PLG: variants seen among roughly 807,000 people sequenced by gnomAD.
The protein encoded by PLG is plasmin.
A neutral mutation model predicts 104.4 loss-of-function variants in PLG; 41 were observed. The observed-to-expected ratio is 0.39, with a 90% CI of 0.31 to 0.51. The LOEUF (loss-of-function observed/expected upper bound fraction) is 0.51, where lower values mean the gene tolerates loss of function less well. PLG is among the 20% of genes least tolerant of loss of function. The pLI, the probability that PLG is intolerant of heterozygous loss-of-function variation, is 0.76. For synonymous variants in PLG, 337 were observed against 357.1 expected (o/e 0.94, Z 0.63); for missense variants, 891 against 1,003.6 (o/e 0.89, Z 1.52).
chr6:160,742,378 T>A (rs1582949968), intron 17 of PLG, among the ~76,000 whole-genome samples: 1 of 152,204 alleles, frequency 6.6e-6, no homozygotes, highest in Non-Finnish European at 1.5e-5. Flanking sequence ...TTCATTGTGG[T>A]TTTGATTTGC....
Position 160,734,225 on chromosome 6 carries a change from G to C in PLG, c.1681+137G>C. 1.6e-6 allele frequency: 1 copy of C among 626,278 alleles called. No individual in the cohort carries two copies. 38.8% of individuals were successfully genotyped at this position (626,278 alleles called of 1,614,324 possible). On this transcript the variant is annotated intron_variant, in intron 13 of 18. Coordinates refer to ENST00000308192, the MANE Select transcript of PLG (RefSeq NM_000301.5). This position sits in a 1 kb window ranked among gnomAD's most constrained non-coding sequence, Gnocchi z 4.4. ...CCATCAGACCCCACTCTTCATCATG[G>C]GCATCTTGAATCTGCCCTACTATTG... is the stretch of plus-strand genomic sequence containing the variant.
rs1777793520 is a variant in PLG at position 160,719,242 on chromosome 6, T to G, written c.1096+404T>G. ...TTTCTCTTTTAGATCGTAACTCTTT[T>G]GTATATTTTGAAGCTCTTTTGTTAG... On this transcript the variant is annotated intron_variant, in intron 9 of 18. Transcript: ENST00000308192. This position sits in a 1 kb window ranked among gnomAD's most constrained non-coding sequence, Gnocchi z 4.1. 6.6e-6 allele frequency among the ~76,000 whole-genome samples: 1 copy of G among 152,210 alleles called. No homozygotes were observed. Among genetic ancestry groups the G allele is most frequent in the African/African-American group, 2.4e-5 (1 of 41,452 alleles).
At chr6:160,715,604 G>A (rs1429744591) in intron 6 of PLG, among the ~76,000 whole-genome samples, 2 of 152,120 alleles carry the variant, frequency 1.3e-5, no homozygotes, top group Non-Finnish European at 2.9e-5. Flanking sequence ...TTCCACAGTC[G>A]CTTCTGGTCT....
At position 160,726,589 on chromosome 6, in the gene PLG, A is replaced by T. The variant is rs942808425; in HGVS notation, c.1256+4022A>T. ...ATGAGGTTAAAACACCTTTAAATTT[A>T]AAAAAAAAAGATTTTATTTGCTATT... is the stretch of plus-strand genomic sequence containing the variant. On this transcript the variant is annotated intron_variant, in intron 10 of 18. Transcript: ENST00000308192. The surrounding 1 kb of genome is among the most constrained non-coding windows in gnomAD (Gnocchi z 4.4). Among the ~76,000 whole-genome samples the T allele has an allele frequency of 1.9e-3, 122 of 64,074 alleles. No homozygotes were observed. The highest frequency in any genetic ancestry group is 5.8e-3 in the African/African-American group (111 of 19,210). 42.0% of individuals were successfully genotyped at this position (64,074 alleles called of 152,430 possible).
chr6:160,710,331 T>TGTAAGAAA (rs1359651711), intron 3 of PLG, among the ~76,000 whole-genome samples: 2 of 152,048 alleles, frequency 1.3e-5, no homozygotes, highest in Non-Finnish European at 2.9e-5. Flanking sequence ...TAAATATAAA[T>TGTAAGAAA]GTAAGAAAGT....
At chr6:160,715,484 C>T (rs754928840) in intron 6 of PLG, among the ~76,000 whole-genome samples, 2 of 152,232 alleles carry the variant, frequency 1.3e-5, no homozygotes, top group East Asian at 1.9e-4. Flanking sequence ...AAGGGGACCA[C>T]GAATTTAAAA....
At chr6:160,718,134 C>T (rs570274080) in intron 7 of PLG, among the ~76,000 whole-genome samples, 160 bp from the exon 8 acceptor site, 1 of 152,326 alleles carries the variant, frequency 6.6e-6, no homozygotes, top group Non-Finnish European at 1.5e-5. Flanking sequence ...CACCTGTAGT[C>T]TGAGCTACTC....
In PLG at chr6:160,736,911, A is replaced by C. The variant is rs1256331629; in HGVS notation, c.1706A>C (p.Lys569Thr). Residue 569 changes from lysine (K) to threonine (T), a missense_variant, in exon 14 of 19, where the codon AAG becomes ACG. By Grantham distance (78) the Lys-to-Thr change is moderately conservative. This residue lies in a region of PLG where 854 missense variants were observed against 932.1 expected (regional missense o/e 0.92). Coordinates refer to ENST00000308192, the MANE Select transcript of PLG (RefSeq NM_000301.5). This position sits in a 1 kb window ranked among gnomAD's most constrained non-coding sequence, Gnocchi z 5.2. ...GCGGCCCCTTCATTTGATTGTGGGAAGCCTCAAGTGGAGCCGAAGAAATGT... is the reference window on the plus strand; with the variant it reads ...GCGGCCCCTTCATTTGATTGTGGGACGCCTCAAGTGGAGCCGAAGAAATGT... ...QCAAPSFDCG[K>T]PQVEPKKCPG... The C allele has an allele frequency of 3.7e-6, 6 of 1,613,914 alleles. No individual in the cohort carries two copies. Among genetic ancestry groups the C allele is most frequent in the African/African-American group, 1.3e-5 (1 of 74,908 alleles).
At chr6:160,702,615 G>A (rs1043528419) in intron 1 of PLG, among the ~76,000 whole-genome samples, 16 of 152,190 alleles carry the variant, frequency 1.1e-4, no homozygotes, top group Admixed American at 6.5e-5. Context: ...ATAATGGCCA[G>A]TCTAATTGAA....
At chr6:160,709,377 A>G (rs887805146) in intron 3 of PLG, among the ~76,000 whole-genome samples, 1 of 152,192 alleles carries the variant, frequency 6.6e-6, no homozygotes, top group Non-Finnish European at 1.5e-5. Flanking sequence ...GGCTACTTGT[A>G]GCTGTACACA....
At chr6:160,750,357 A>T (rs556311352) in intron 17 of PLG, among the ~76,000 whole-genome samples, 1 of 152,270 alleles carries the variant, frequency 6.6e-6, no homozygotes, top group African/African-American at 2.4e-5. Context: ...CCATCTCTAC[A>T]TCTACCACTG....
At chr6:160,750,308 A>C (rs577581709) in intron 17 of PLG, among the ~76,000 whole-genome samples, 1 of 152,250 alleles carries the variant, frequency 6.6e-6, no homozygotes, top group Non-Finnish European at 1.5e-5. Context: ...GAGGGCTTCA[A>C]TCCTCAGGTC....
Position 160,731,930 on chromosome 6 carries a change from T to C in PLG, c.1587+37T>C, listed in dbSNP as rs1001084148. Reference sequence around the variant, plus strand: ...TGATTTGGACTCTTTGGCCTTTTGCTCACCAATCTTTGCAAACAGAATTGG... The same window carrying C: ...TGATTTGGACTCTTTGGCCTTTTGCCCACCAATCTTTGCAAACAGAATTGG... On this transcript the variant is annotated intron_variant, in intron 12 of 18. Coordinates refer to ENST00000308192, the MANE Select transcript of PLG (RefSeq NM_000301.5). The surrounding 1 kb of genome is among the most constrained non-coding windows in gnomAD (Gnocchi z 5.1). The C allele has an allele frequency of 6.2e-7, 1 of 1,608,066 alleles. No homozygotes were observed. The highest frequency in any genetic ancestry group is 1.3e-5 in the African/African-American group (1 of 74,834).
At position 160,749,120 on chromosome 6, in the gene PLG, A is replaced by G. The variant is rs376210003; in HGVS notation, c.2126-2995A>G. 1.5e-4 allele frequency among the ~76,000 whole-genome samples: 23 copies of G among 152,348 alleles called. 1 individual carries two copies. The highest frequency in any genetic ancestry group is 5.5e-4 in the African/African-American group (23 of 41,584). On this transcript the variant is annotated intron_variant, in intron 17 of 18. Coordinates refer to ENST00000308192, the MANE Select transcript of PLG (RefSeq NM_000301.5). ...GATGAAAGCACGAAGCTAAAATCAT[A>G]AAGATCTGTGTGTGAGTTCTGGCTC...
chr6:160,736,162 G>T lies in PLG; in HGVS notation c.1682-725G>T, dbSNP rs1165141209. ...CCCCTGCACTGTTGTAGGCATTGGT[G>T]GATGGTACCAAAGATGGGACACTGT... On this transcript the variant is annotated intron_variant, in intron 13 of 18. Transcript: ENST00000308192. This position sits in a 1 kb window ranked among gnomAD's most constrained non-coding sequence, Gnocchi z 5.2. 6.6e-6 allele frequency among the ~76,000 whole-genome samples: 1 copy of T among 152,194 alleles called. No individual in the cohort carries two copies. The highest frequency in any genetic ancestry group is 2.4e-5 in the African/African-American group (1 of 41,436).
At chr6:160,706,186 G>C (rs1030172762) in intron 1 of PLG, 2 of 598,186 alleles carry the variant, frequency 3.3e-6, no homozygotes, top group Non-Finnish European at 6.0e-6. Flanking sequence ...CCCTTCTCTG[G>C]TAGTCCCCAG....
At chr6:160,742,184 G>C (rs1361773542) in intron 17 of PLG, among the ~76,000 whole-genome samples, 4 of 152,186 alleles carry the variant, frequency 2.6e-5, no homozygotes, top group African/African-American at 4.8e-5. Flanking sequence ...GCCAGTAGTA[G>C]GATTGCTGGG....
chr6:160,753,378 C>T lies in PLG; in HGVS notation c.*317C>T. ...ATGGGCAGATGGGGGGATTTAGCTG[C>T]TTTTGATAAGGAACAGCTGCACAAA... On this transcript the variant is annotated 3_prime_UTR_variant, in exon 19 of 19. Transcript: ENST00000308192. This position sits in a 1 kb window ranked among gnomAD's most constrained non-coding sequence, Gnocchi z 5.4. 2.5e-6 allele frequency: 1 copy of T among 405,900 alleles called. No individual in the cohort carries two copies. The highest frequency in any genetic ancestry group is 4.6e-6 in the Non-Finnish European group (1 of 215,122). The allele number at this position is 405,900 out of a possible 1,614,324, so 25.1% of individuals were successfully genotyped here.
rs1489713941 is a variant in PLG, at chr6:160,706,570, AG to A, written c.185+30del. 3 of 1,605,492 alleles carry A rather than the reference AG, an allele frequency of 1.9e-6. No individual in the cohort carries two copies. The African/African-American group carries it at 4.0e-5, about 21-fold the overall frequency. On this transcript the variant is annotated intron_variant, in intron 2 of 18. Transcript: ENST00000308192. ...ATTTCCATTGTCGTTGCACCTACGCAGGAATCTGTAATTCAGATGGCAAGTA... is the reference window on the plus strand; with the variant it reads ...ATTTCCATTGTCGTTGCACCTACGCAGAATCTGTAATTCAGATGGCAAGTA...
Sources: gnomAD v4.1 joint callset for allele counts (sites outside exome capture counted in the v4.1 genomes callset) on GRCh38, gnomAD v4.1.1 for gene constraint, gnomAD v4.1.1 regional missense constraint, Gnocchi (gnomAD v3.1) non-coding constraint, MANE v1.5 for transcripts, NCBI Gene and HGNC (gene_info 2026-07-23, HGNC 2026-07-21) for gene names.